The following EML4 variants were observed in gnomAD, a reference collection of about 807,000 sequenced individuals.
EML4 encodes the protein EMAP like 4.
EML4 carries 72 observed loss-of-function variants against 129.0 expected under a neutral mutation model. The ratio of observed to expected loss-of-function variants is 0.56; its 90% confidence interval spans 0.46 to 0.68. EML4 has a LOEUF of 0.68. Among genes scored for constraint, EML4 ranks in the 30% least tolerant of loss-of-function variants. The pLI is 0.00. For synonymous variants in EML4, 532 were observed against 405.0 expected (o/e 1.31, Z -3.77); for missense variants, 1,363 against 1,190.6 (o/e 1.14, Z -2.13).
At chr2:42,189,100 C>T (rs1389331908) in intron 1 of EML4, among the ~76,000 whole-genome samples, 1 of 151,954 alleles carries the variant, frequency 6.6e-6, no homozygotes, top group African/African-American at 2.4e-5. Context: ...TTCCTGGGCT[C>T]AAGCAGTCCT....
intron 9 of EML4, 139 bp downstream of exon 9, chr2:42,284,842 A>G (rs1284340159): frequency 5.6e-6 from 3 of 533,360 alleles, no homozygotes; most frequent in South Asian, 4.9e-5. Flanking sequence ...AAGCATGGAA[A>G]AAACATTAGG....
intron 1 of EML4, among the ~76,000 whole-genome samples, chr2:42,240,572 T>A (rs879749189): frequency 3.9e-5 from 6 of 152,256 alleles, no homozygotes; most frequent in Admixed American, 3.9e-4. Context: ...TTTTAGCTTA[T>A]GCTCCTACTC....
chr2:42,210,821 C>T (rs1275525698), intron 1 of EML4, among the ~76,000 whole-genome samples: 1 of 152,134 alleles, frequency 6.6e-6, no homozygotes, highest in Non-Finnish European at 1.5e-5. Context: ...TGAGAACTTC[C>T]TTACTTTCTG....
chr2:42,228,093 C>G (rs990800339), intron 1 of EML4, among the ~76,000 whole-genome samples: 1 of 151,992 alleles, frequency 6.6e-6, no homozygotes, highest in African/African-American at 2.4e-5. Context: ...TGGTGTCACG[C>G]ACCTATAATC....
At chr2:42,250,575 A>G (rs373870121) in intron 2 of EML4, among the ~76,000 whole-genome samples, 1 of 152,102 alleles carries the variant, frequency 6.6e-6, no homozygotes, top group Non-Finnish European at 1.5e-5. Context: ...GAAATGCATC[A>G]TTGGGCATTT....
In EML4 at chr2:42,256,507, C is replaced by A. The variant is rs774900192; in HGVS notation, c.215C>A (p.Pro72Gln). ...VKKSVSSKGQ[P>Q]SPRAVIPMSC... Reference sequence around the variant, plus strand: ...TTTCCTTAATTATCTTTAGGCCAACCAAGCCCTCGAGCAGTTATTCCCATG... The same window carrying A: ...TTTCCTTAATTATCTTTAGGCCAACAAAGCCCTCGAGCAGTTATTCCCATG... The change falls in exon 3 of 23, where the codon CCA (proline) becomes CAA (glutamine). Residue 72 changes from proline to glutamine, a missense_variant. Physicochemically the swap from Pro to Gln is moderately conservative, Grantham distance 76 (BLOSUM62 -1). Transcript: ENST00000318522. 1.9e-6 allele frequency: 3 copies of A among 1,595,418 alleles called. No homozygotes were observed. Among genetic ancestry groups the A allele is most frequent in the South Asian group, 1.1e-5 (1 of 87,242 alleles).
At chr2:42,215,683 C>T (rs528142168) in intron 1 of EML4, among the ~76,000 whole-genome samples, 3 of 152,134 alleles carry the variant, frequency 2.0e-5, no homozygotes, top group Non-Finnish European at 4.4e-5. Context: ...AAGTAAGTTG[C>T]GGGTACTCAG....
chr2:42,225,371 A>G (rs1673890977), intron 1 of EML4, among the ~76,000 whole-genome samples: 2 of 152,194 alleles, frequency 1.3e-5, no homozygotes, highest in African/African-American at 4.8e-5. Context: ...CCTACCAGCA[A>G]TGCACAAGAG....
chr2:42,186,895 A>G (rs12612372), intron 1 of EML4, among the ~76,000 whole-genome samples: 20,276 of 152,170 alleles, frequency 0.13, 1,338 homozygotes, highest in East Asian at 0.18. Context: ...TCACTACTAC[A>G]ATGAAGATAC....
At chr2:42,202,616 C>G (rs757279321) in intron 1 of EML4, among the ~76,000 whole-genome samples, 5 of 152,148 alleles carry the variant, frequency 3.3e-5, no homozygotes, top group African/African-American at 4.8e-5. Context: ...CAGGAACCAT[C>G]CAGCACAGGA....
At chr2:42,269,746 C>T (rs1016936993) in intron 6 of EML4, among the ~76,000 whole-genome samples, 3 of 152,152 alleles carry the variant, frequency 2.0e-5, no homozygotes, top group African/African-American at 4.8e-5. Flanking sequence ...AACTTTCTTG[C>T]TCTATTAAGG....
At chr2:42,317,336 A>T in intron 18 of EML4, 91 bp from the exon 19 acceptor site, 1 of 821,338 alleles carries the variant, frequency 1.2e-6, no homozygotes, top group Non-Finnish European at 1.9e-6. Flanking sequence ...TAAATTGATG[A>T]GATTTAACAG....
intron 3 of EML4, among the ~76,000 whole-genome samples, chr2:42,260,808 G>C (rs1433519665): frequency 6.6e-6 from 1 of 152,182 alleles, no homozygotes; most frequent in African/African-American, 2.4e-5. Context: ...TGGGTAACTT[G>C]AGGTCAGTTA....
chr2:42,181,382 T>G (rs543158817), intron 1 of EML4, among the ~76,000 whole-genome samples: 1 of 152,318 alleles, frequency 6.6e-6, no homozygotes, highest in South Asian at 2.1e-4. Flanking sequence ...CACCGCATCC[T>G]CCACCTCCCG....
Position 42,303,409 on chromosome 2 carries a change from C to A in EML4, c.1862C>A (p.Ser621Ter). 1 of 1,613,978 alleles carries A rather than the reference C, an allele frequency of 6.2e-7. No individual in the cohort carries two copies. The highest frequency in any genetic ancestry group is 8.5e-7 in the Non-Finnish European group (1 of 1,179,968). The change falls in exon 16 of 23, where the codon TCA becomes TAA. Residue 621 changes from serine (S) to a stop codon, truncating the protein, a stop_gained. Coordinates refer to ENST00000318522, the MANE Select transcript of EML4 (RefSeq NM_019063.5). LOFTEE classifies it high-confidence loss of function. ...AQDRQVCLWN[S>*]MEHRLEWTRL... ...GACAGGCAGGTGTGCCTGTGGAACT[C>A]AATGGAACACAGGCTGGAATGGACC...
chr2:42,179,006 T>TC (rs1218832521), intron 1 of EML4, among the ~76,000 whole-genome samples: 1 of 152,112 alleles, frequency 6.6e-6, no homozygotes, highest in Non-Finnish European at 1.5e-5. Flanking sequence ...GTCTTAAATT[T>TC]CCCCCCATAT....
intron 1 of EML4, among the ~76,000 whole-genome samples, chr2:42,177,010 C>T (rs969241584): frequency 6.6e-6 from 1 of 152,108 alleles, no homozygotes; most frequent in Non-Finnish European, 1.5e-5. Context: ...CCAGGCCTGT[C>T]TCAAACTCCT....
intron 1 of EML4, among the ~76,000 whole-genome samples, chr2:42,232,918 G>T (rs984931825): frequency 1.8e-4 from 28 of 152,186 alleles, no homozygotes; most frequent in African/African-American, 6.7e-4. Flanking sequence ...GTAGAGATGG[G>T]GTTTCACCGT....
At chr2:42,304,803 C>T (rs1324166320) in intron 17 of EML4, among the ~76,000 whole-genome samples, 3 of 152,120 alleles carry the variant, frequency 2.0e-5, no homozygotes, top group Non-Finnish European at 2.9e-5. Flanking sequence ...CCTGTGAAGC[C>T]TACATTTTAG....
Sources: allele counts gnomAD v4.1 joint callset (sites outside exome capture counted in the v4.1 genomes callset), GRCh38; gene constraint gnomAD v4.1.1; transcripts MANE v1.5; gene names NCBI Gene and HGNC (gene_info 2026-07-23, HGNC 2026-07-21).